GALNT9: variants seen among roughly 807,000 people sequenced by gnomAD.
GALNT9 encodes polypeptide N-acetylgalactosaminyltransferase 9, also known as GalNAc transferase 9.
Under a neutral mutation model 63.1 loss-of-function variants are expected in GALNT9, and 47 were observed. The ratio of observed to expected loss-of-function variants is 0.75; its 90% CI spans 0.59 to 0.95. GALNT9 has a LOEUF of 0.95. GALNT9 is among the 40% of genes least tolerant of loss of function. GALNT9 has a pLI of 0.00. For synonymous variants in GALNT9, 396 were observed against 365.7 expected, an observed-to-expected ratio of 1.08 and a Z score of -0.94; for missense variants, 829 against 874.8, an observed-to-expected ratio of 0.95 and a Z score of 0.66.
At chr12:132,306,419 T>C (rs1881615738) in intron 1 of GALNT9, among the ~76,000 whole-genome samples, 1 of 151,896 alleles carries the variant, frequency 6.6e-6, no homozygotes, top group Non-Finnish European at 1.5e-5. Flanking sequence ...CCCGGAGCCA[T>C]GCAGAGAGGC....
chr12:132,329,359 G>T lies in GALNT9; in HGVS notation c.-156C>A. 1 of 1,162,068 alleles carries T rather than the reference G, an allele frequency of 8.6e-7. No individual in the cohort carries two copies. The highest frequency in any genetic ancestry group is 1.1e-6 in the Non-Finnish European group (1 of 890,278). 72.0% of individuals were successfully genotyped at this position (1,162,068 alleles called of 1,614,324 possible). A position where few individuals can be genotyped will look rare whatever the true frequency, so the allele number is the denominator to read the frequency against. ...TGTCCCTTCAGCACCAGCTCAGCGC[G>T]CCGGGCCACGGCCGCCGGGGGTCCC... On this transcript the variant is annotated 5_prime_UTR_variant, in exon 1 of 11. Transcript: ENST00000328957.
At chr12:132,197,559 C>T (rs1875606685) in intron 10 of GALNT9, among the ~76,000 whole-genome samples, 1 of 152,206 alleles carries the variant, frequency 6.6e-6, no homozygotes, top group South Asian at 2.1e-4. Flanking sequence ...GGGCTATGAT[C>T]AGACTGTCCA....
Position 132,245,633 on chromosome 12 carries a change from G to A in GALNT9, c.1077+2277C>T, listed in dbSNP as rs1016027003. The stretch of plus-strand genomic sequence containing the variant: ...GACCCTCGCCCAGCCAGGGCCCTCC[G>A]TGGTCCAGCACCCACACCCCCAGCC... On this transcript the variant is annotated intron_variant, in intron 6 of 10. Transcript: ENST00000328957. The surrounding 1 kb of genome is among the most constrained non-coding windows in gnomAD (Gnocchi z 6.3). Among the ~76,000 whole-genome samples the A allele has an allele frequency of 6.6e-6, 1 of 151,290 alleles. No individual in the cohort carries two copies. Among genetic ancestry groups the A allele is most frequent in the African/African-American group, 2.4e-5 (1 of 40,998 alleles).
Position 132,329,140 on chromosome 12 carries a change from C to A in GALNT9, c.64G>T (p.Val22Phe). Residue 22 changes from valine to phenylalanine, a missense_variant, in exon 1 of 11, where the codon GTC (valine) becomes TTC (phenylalanine). Transcript: ENST00000328957. ...AGGCGGCAGTACACGGAGAACAGGA[C>A]GATGCCCACGAACACCAGGATGTTC... ...TVNILVFVGI[V>F]LFSVYCRLQG... 6.5e-7 allele frequency: 1 copy of A among 1,549,518 alleles called. No homozygotes were observed. Among genetic ancestry groups the A allele is most frequent in the Non-Finnish European group, 8.7e-7 (1 of 1,146,484 alleles).
chr12:132,255,533 A>G (rs933073468), intron 5 of GALNT9, among the ~76,000 whole-genome samples: 43 of 152,340 alleles, frequency 2.8e-4, no homozygotes, highest in African/African-American at 9.6e-4. Flanking sequence ...TGGAGGCTTC[A>G]TCTGCATCAT....
chr12:132,260,930 G>A lies in GALNT9; in HGVS notation c.761+18C>T, dbSNP rs1879353587. On this transcript the variant is annotated intron_variant, in intron 4 of 10. Coordinates refer to ENST00000328957, the MANE Select transcript of GALNT9 (RefSeq NM_001122636.2). ...GGGACCCGCTGAGACTGGCTGTCCA[G>A]CCTGTTCCGGCCCTTACCAGCCCGT... is the stretch of plus-strand genomic sequence containing the variant. 2 of 1,517,366 alleles carry A rather than the reference G, an allele frequency of 1.3e-6. No homozygotes were observed. Among genetic ancestry groups the A allele is most frequent in the South Asian group, 2.5e-5 (2 of 80,286 alleles). The allele number at this position is 1,517,366 out of a possible 1,614,324, so 94.0% of individuals were successfully genotyped here.
chr12:132,255,141 A>G (rs1879062853), intron 5 of GALNT9, among the ~76,000 whole-genome samples: 1 of 152,176 alleles, frequency 6.6e-6, no homozygotes. Flanking sequence ...ACCCAGGAAA[A>G]CGAGCTCAGG....
At position 132,197,111 on chromosome 12, in the gene GALNT9, T is replaced by C. The variant is rs368883972; in HGVS notation, c.1808A>G (p.His603Arg). 3.1e-6 allele frequency: 5 copies of C among 1,614,122 alleles called. No homozygotes were observed. Among genetic ancestry groups the C allele is most frequent in the South Asian group, 1.1e-5 (1 of 91,090 alleles). Reference protein sequence around the residue: ...MIRNWIKHARH With the variant: ...MIRNWIKHARR ...GGGGTCCGGGCGGAGGTGGGGTCAG[T>C]GCCGTGCGTGTTTGATCCAGTTTCT... The change falls in exon 11 of 11, where the codon CAC becomes CGC. Residue 603 changes from histidine (H) to arginine (R), a missense_variant. His to Arg is a conservative substitution (Grantham distance 29). Transcript: ENST00000328957.
rs542626964 is a variant in GALNT9 at position 132,251,399 on chromosome 12, T to G, written c.960-3372A>C. 4.4e-4 allele frequency among the ~76,000 whole-genome samples: 67 copies of G among 152,324 alleles called. 1 individual carries two copies. Among genetic ancestry groups the G allele is most frequent in the Non-Finnish European group, 7.2e-4 (49 of 68,030 alleles). ...GAAGCTGTGAAACAGGCCGGTGCTCTGCGTCTTGGGGGGCTCCCGGCATCC... is the reference window on the plus strand; with the variant it reads ...GAAGCTGTGAAACAGGCCGGTGCTCGGCGTCTTGGGGGGCTCCCGGCATCC... On this transcript the variant is annotated intron_variant, in intron 5 of 10. Transcript: ENST00000328957.
At position 132,201,872 on chromosome 12, in the gene GALNT9, G is replaced by A. The variant is rs535452804; in HGVS notation, c.1264-611C>T. Among the ~76,000 whole-genome samples, 8 of 152,246 alleles carry A rather than the reference G, an allele frequency of 5.3e-5. No homozygotes were observed. The South Asian group carries it at 8.3e-4, about 16-fold the overall frequency. On this transcript the variant is annotated intron_variant, in intron 7 of 10. Transcript: ENST00000328957. ...GCCGTGAGAACCCACAGCCGAGTGC[G>A]GTGTCTGTGTCTTCCTGGGACTGTG...
At chr12:132,200,930 T>C in intron 8 of GALNT9, 194 bp downstream of exon 8, 3 of 586,208 alleles carry the variant, frequency 5.1e-6, no homozygotes, top group Non-Finnish European at 9.1e-6. Context: ...TGGATGTGCC[T>C]GCATCACCGT....
rs1555240312 is a variant in GALNT9 at position 132,267,755 on chromosome 12, T to TCG, written c.420-5131_420-5130insCG. On this transcript the variant is annotated intron_variant, in intron 2 of 10. Coordinates refer to ENST00000328957, the MANE Select transcript of GALNT9 (RefSeq NM_001122636.2). ...TGGGGAAATACACAAGCACACACAC[T>TCG]CACACACACATGCACTCACACACAC... 1.5e-3 allele frequency among the ~76,000 whole-genome samples: 191 copies of TCG among 128,252 alleles called. 5 individuals are homozygous for TCG. The highest frequency in any genetic ancestry group is 8.4e-3 in the African/African-American group (184 of 22,024). The allele number at this position is 128,252 out of a possible 152,430, so 84.1% of individuals were successfully genotyped here.
chr12:132,226,417 T>C (rs1235769757), intron 6 of GALNT9, among the ~76,000 whole-genome samples: 4 of 125,300 alleles, frequency 3.2e-5, no homozygotes, highest in African/African-American at 1.2e-4. Context: ...ATACCCCATG[T>C]ACACACCCCA....
intron 3 of GALNT9, 81 bp from the exon 4 acceptor site, chr12:132,261,203 G>A (rs972141792): frequency 7.8e-6 from 12 of 1,529,302 alleles, no homozygotes; most frequent in East Asian, 4.9e-5. Flanking sequence ...GAAATGCTGC[G>A]TGCCGCGTGT....
intron 8 of GALNT9, 157 bp downstream of exon 8, chr12:132,200,965 CAG>C: frequency 1.5e-6 from 1 of 660,364 alleles, no homozygotes; most frequent in Non-Finnish European, 2.6e-6. Flanking sequence ...GTGCAGGAGT[CAG>C]GGCGGAAGGC....
chr12:132,283,268 G>A (rs1880434947), intron 2 of GALNT9: 1 of 152,360 alleles, frequency 6.6e-6, no homozygotes, highest in Non-Finnish European at 1.5e-5. Flanking sequence ...GCAAGAGCTA[G>A]GAGATAAAAC....
Position 132,235,133 on chromosome 12 carries a change from T to C in GALNT9, c.1077+12777A>G, listed in dbSNP as rs1191902635. On this transcript the variant is annotated intron_variant, in intron 6 of 10. Transcript: ENST00000328957. ...GCGTGAGAGAGGAGACAGCGTGGAGTCCCTAGTGCCACACACTCGATGGGG... is the reference window on the plus strand; with the variant it reads ...GCGTGAGAGAGGAGACAGCGTGGAGCCCCTAGTGCCACACACTCGATGGGG... Among the ~76,000 whole-genome samples the C allele has an allele frequency of 7.4e-3, 375 of 50,788 alleles. 18 individuals carry two copies. Among genetic ancestry groups the C allele is most frequent in the Middle Eastern group, 0.031 (2 of 64 alleles). 33.3% of individuals were successfully genotyped at this position (50,788 alleles called of 152,430 possible).
intron 1 of GALNT9, among the ~76,000 whole-genome samples, chr12:132,311,959 T>A (rs1434886184): frequency 6.6e-6 from 1 of 152,134 alleles, no homozygotes; most frequent in Non-Finnish European, 1.5e-5. Flanking sequence ...GATTACAAAG[T>A]GAAGATAAAA....
In GALNT9 at chr12:132,286,133, G is replaced by T; in HGVS notation, c.419+117C>A. On this transcript the variant is annotated intron_variant, in intron 2 of 10. Coordinates refer to ENST00000328957, the MANE Select transcript of GALNT9 (RefSeq NM_001122636.2). This position sits in a 1 kb window ranked among gnomAD's most constrained non-coding sequence, Gnocchi z 7.4. Reference sequence around the variant, plus strand: ...TGGGGGGCGGTCACTTCCCTGGCGGGCGTGGGGGCCGCTCACTTCCCCGGC... The same window carrying T: ...TGGGGGGCGGTCACTTCCCTGGCGGTCGTGGGGGCCGCTCACTTCCCCGGC... 1 of 1,253,280 alleles carries T rather than the reference G, an allele frequency of 8.0e-7. No individual in the cohort carries two copies. The allele number at this position is 1,253,280 out of a possible 1,614,324, so 77.6% of individuals were successfully genotyped here.
Sources: gnomAD v4.1 joint callset for allele counts (sites outside exome capture counted in the v4.1 genomes callset) on GRCh38, gnomAD v4.1.1 for gene constraint, Gnocchi (gnomAD v3.1) non-coding constraint, MANE v1.5 for transcripts, NCBI Gene and HGNC (gene_info 2026-07-23, HGNC 2026-07-21) for gene names.